Variants in OGA observed in about 807,000 individuals in gnomAD.
OGA encodes the protein protein O-GlcNAcase.
OGA carries 21 observed loss-of-function variants against 102.0 expected under a neutral mutation model. That is an observed-to-expected ratio of 0.21 (90% CI 0.15 to 0.30). The LOEUF (loss-of-function observed/expected upper bound fraction) is 0.30, where lower values mean the gene tolerates loss of function less well. Ranked by LOEUF, OGA falls within the 10% of genes least tolerant of loss-of-function variation. OGA has a pLI of 1.00. For missense variants in OGA, 765 were observed against 1,107.8 expected (o/e 0.69, Z 4.39); for synonymous variants, 408 against 378.2 (o/e 1.08, Z -0.91).
At chr10:101,805,199 G>A (rs1019961891) in intron 6 of OGA, among the ~76,000 whole-genome samples, 1 of 152,006 alleles carries the variant, frequency 6.6e-6, no homozygotes, top group African/African-American at 2.4e-5. Context: ...AGCCCACCTG[G>A]CTAAGTTTTT....
intron 10 of OGA, among the ~76,000 whole-genome samples, chr10:101,795,057 T>C (rs898112629): frequency 6.6e-5 from 10 of 152,176 alleles, no homozygotes; most frequent in Non-Finnish European, 1.3e-4. Context: ...AGGGGTACTT[T>C]TAAAAAACAT....
intron 4 of OGA, among the ~76,000 whole-genome samples, chr10:101,809,625 C>T (rs150281020): frequency 0.05 from 7,388 of 149,158 alleles, 203 homozygotes; most frequent in Middle Eastern, 0.099. Context: ...GCATGAGAAT[C>T]GCTTGAACTT....
rs777666143 is a variant in OGA at position 101,817,866 on chromosome 10, C to T, written c.157G>A (p.Ala53Thr). The T allele has an allele frequency of 1.7e-5, 26 of 1,546,036 alleles. No individual in the cohort carries two copies. The African/African-American group carries it at 3.4e-4, about 20-fold the overall frequency. The change falls in exon 1 of 16, where the codon GCT becomes ACT. Residue 53 changes from alanine (A) to threonine (T), a missense_variant. Coordinates refer to ENST00000361464, the MANE Select transcript of OGA (RefSeq NM_012215.5). ...AGGAACCGCCGAGCCCCTCCTGCAG[C>T]CCCGGCCACCGCCGCTCCCCCAGCC... ...AGAGGAAVAG[A>T]AGGARRFLCG... is the part of the protein sequence containing the mutation.
chr10:101,798,990 G>A lies in OGA; in HGVS notation c.1661C>T (p.Thr554Ile). 6.2e-7 allele frequency: 1 copy of A among 1,614,174 alleles called. No individual in the cohort carries two copies. Among genetic ancestry groups the A allele is most frequent in the Non-Finnish European group, 8.5e-7 (1 of 1,180,044 alleles). The change falls in exon 9 of 16, where the codon ACC becomes ATC. Residue 554 changes from threonine to isoleucine, a missense_variant. By Grantham distance (89) the Thr-to-Ile change is moderately conservative. Coordinates refer to ENST00000361464, the MANE Select transcript of OGA (RefSeq NM_012215.5). ...EKPLYTAEPV[T>I]LEDLQLLADL... ...AGCAAGTAACTGCAAATCCTCCAGGGTCACTGGTTCCGCAGTGTACAAAGG... is the reference window on the plus strand; with the variant it reads ...AGCAAGTAACTGCAAATCCTCCAGGATCACTGGTTCCGCAGTGTACAAAGG...
rs563517967 is a variant in OGA at position 101,788,458 on chromosome 10, C to A, written c.2455-935G>T. Among the ~76,000 whole-genome samples the A allele has an allele frequency of 2.7e-5, 4 of 148,756 alleles. No individual in the cohort carries two copies. In the South Asian group the frequency reaches 8.5e-4, roughly 32 times the overall value. ...AAAAAAAAAAAGTTTTCTGGCCAGG[C>A]GTGGTGGCTCACTCACACTTGTAAT... On this transcript the variant is annotated intron_variant, in intron 14 of 15. Transcript: ENST00000361464.
chr10:101,805,892 G>A (rs558892207), intron 6 of OGA, among the ~76,000 whole-genome samples, 153 bp downstream of exon 6: 3 of 151,984 alleles, frequency 2.0e-5, no homozygotes, highest in African/African-American at 4.8e-5. Context: ...GAGGCGGAGC[G>A]TGCAGTGAGC....
In OGA at chr10:101,807,839, A is replaced by G. The variant is rs749201216; in HGVS notation, c.543T>C (p.Cys181=). ...LLFDDIDHNM[C]AADKEVFSSF... ...AACTGAATACCTCTTTGTCTGCTGC[A>G]CACATATTATGGTCTATATCATCAA... is the stretch of plus-strand genomic sequence containing the variant. Residue 181 remains cysteine, a synonymous_variant, in exon 5 of 16, where the codon TGT becomes TGC. Coordinates refer to ENST00000361464, the MANE Select transcript of OGA (RefSeq NM_012215.5). 2.8e-5 allele frequency: 45 copies of G among 1,611,374 alleles called. No homozygotes were observed. Among genetic ancestry groups the G allele is most frequent in the Non-Finnish European group, 2.8e-5 (33 of 1,178,788 alleles).
intron 7 of OGA, 44 bp from the exon 8 acceptor site, chr10:101,800,444 C>T: frequency 1.0e-5 from 15 of 1,498,924 alleles, no homozygotes; most frequent in Non-Finnish European, 1.4e-5. Flanking sequence ...GTTTTGATTA[C>T]AAAAGCCTTC....
rs369682444 is a variant in OGA, at chr10:101,817,854, C to G, written c.169G>C (p.Ala57Pro). ...GAAVAGAAGG[A>P]RRFLCGVVEG... ...ACCACACCGCAGAGGAACCGCCGAGCCCCTCCTGCAGCCCCGGCCACCGCC... is the reference window on the plus strand; with the variant it reads ...ACCACACCGCAGAGGAACCGCCGAGGCCCTCCTGCAGCCCCGGCCACCGCC... Residue 57 changes from alanine (A) to proline (P), a missense_variant, in exon 1 of 16, where the codon GCT becomes CCT. Ala to Pro is a conservative substitution (Grantham distance 27). Coordinates refer to ENST00000361464, the MANE Select transcript of OGA (RefSeq NM_012215.5). 1 of 1,543,304 alleles carries G rather than the reference C, an allele frequency of 6.5e-7. No homozygotes were observed. Among genetic ancestry groups the G allele is most frequent in the East Asian group, 2.4e-5 (1 of 41,126 alleles).
chr10:101,787,252 G>A (rs1684004551), intron 15 of OGA, 112 bp downstream of exon 15: 1 of 1,117,974 alleles, frequency 8.9e-7, no homozygotes, highest in African/African-American at 1.6e-5. Flanking sequence ...ATCATAAAAG[G>A]TGGGAAAAGC....
At position 101,818,431 on chromosome 10, in the gene OGA, T is replaced by C; in HGVS notation, c.-409A>G. On this transcript the variant is annotated 5_prime_UTR_variant, in exon 1 of 16. Coordinates refer to ENST00000361464, the MANE Select transcript of OGA (RefSeq NM_012215.5). ...TCTGCTGCTGCCTCCACCGCCCGCT[T>C]CCTGTTTATCCGCACTGCGCTTGCG... 1 of 1,008,244 alleles carries C rather than the reference T, an allele frequency of 9.9e-7. No homozygotes were observed. The highest frequency in any genetic ancestry group is 1.7e-5 in the African/African-American group (1 of 57,994). 62.5% of individuals were successfully genotyped at this position (1,008,244 alleles called of 1,614,324 possible). A position where few individuals can be genotyped will look rare whatever the true frequency, so the allele number is the denominator to read the frequency against.
intron 14 of OGA, among the ~76,000 whole-genome samples, chr10:101,790,265 GTTTTTTT>G (rs869235919): frequency 6.9e-5 from 6 of 86,392 alleles, no homozygotes; most frequent in Non-Finnish European, 1.3e-4. Flanking sequence ...ATAATATCTT[GTTTTTTT>G]TTTTTTTTTT....
Position 101,818,301 on chromosome 10 carries a change from C to T in OGA, c.-279G>A, listed in dbSNP as rs1564654179. On this transcript the variant is annotated 5_prime_UTR_variant, in exon 1 of 16. Transcript: ENST00000361464. ...AGAGCGAGGCTGTGACCTCTCGTTC[C>T]CTGGAAGAAGACGGCCAAGGGTCCT... 1.6e-6 allele frequency: 2 copies of T among 1,222,810 alleles called. No homozygotes were observed. The highest frequency in any genetic ancestry group is 3.7e-5 in the East Asian group (1 of 27,336). The allele number at this position is 1,222,810 out of a possible 1,614,324, so 75.7% of individuals were successfully genotyped here.
chr10:101,809,299 C>T (rs2065517642), intron 4 of OGA, among the ~76,000 whole-genome samples: 1 of 152,198 alleles, frequency 6.6e-6, no homozygotes, highest in Admixed American at 6.5e-5. Context: ...CAGCAGTCAG[C>T]ATTCTTCCAA....
rs1354324129 is a variant in OGA at position 101,799,213 on chromosome 10, C to T, written c.1438G>A (p.Asp480Asn). 2.5e-6 allele frequency: 4 copies of T among 1,614,182 alleles called. 1 individual carries two copies. The highest frequency in any genetic ancestry group is 1.7e-5 in the Admixed American group (1 of 60,020). ...EKQEETDHKN[D>N]NQILSEIVEA... ...ACAATTTCACTCAGTATTTGATTGT[C>T]ATTCTTGTGGTCCGTTTCTTCTTGT... Residue 480 changes from aspartate to asparagine, a missense_variant, in exon 9 of 16, where the codon GAC (aspartate) becomes AAC (asparagine). Asp to Asn is a conservative substitution (Grantham distance 23). Around this residue, in one of 7 missense-constraint regions of OGA, gnomAD observed 281 missense variants for 345.8 expected, o/e 0.81. Coordinates refer to ENST00000361464, the MANE Select transcript of OGA (RefSeq NM_012215.5).
intron 10 of OGA, chr10:101,797,743 T>C: frequency 1.7e-6 from 1 of 593,254 alleles, no homozygotes; most frequent in South Asian, 2.1e-5. Context: ...CTTTCTAACA[T>C]ACTTTTAAGA....
At chr10:101,801,378 G>A (rs1294973363) in intron 7 of OGA, among the ~76,000 whole-genome samples, 2 of 145,848 alleles carry the variant, frequency 1.4e-5, no homozygotes, top group Non-Finnish European at 3.0e-5. Context: ...AGCAACAAGA[G>A]CAAGACTCCG....
intron 6 of OGA, among the ~76,000 whole-genome samples, chr10:101,805,629 T>C (rs1589835284): frequency 7.9e-6 from 1 of 126,712 alleles, no homozygotes; most frequent in South Asian, 2.6e-4. Context: ...CACTCCAGCC[T>C]GGGCAACAAG....
chr10:101,817,942 T>C lies in OGA; in HGVS notation c.81A>G (p.Ala27=). 6.3e-7 allele frequency: 1 copy of C among 1,595,316 alleles called. No homozygotes were observed. The highest frequency in any genetic ancestry group is 8.5e-7 in the Non-Finnish European group (1 of 1,172,024). The change falls in exon 1 of 16, where the codon GCA becomes GCG. Residue 27 remains alanine (A), a synonymous_variant. Transcript: ENST00000361464. The part of the protein sequence containing the change: ...LSSNPAASAG[A]SLEPPAAPAP... ...CCGGAGCTGCCGGCGGCTCCAGCGA[T>C]GCCCCCGCAGAGGCGGCAGGGTTGG...
Sources: gnomAD v4.1 joint callset for allele counts (sites outside exome capture counted in the v4.1 genomes callset) on GRCh38, gnomAD v4.1.1 for gene constraint, gnomAD v4.1.1 regional missense constraint, MANE v1.5 for transcripts, NCBI Gene and HGNC (gene_info 2026-07-23, HGNC 2026-07-21) for gene names.